Variants in GTF2H2 observed in about 807,000 individuals in gnomAD.
GTF2H2 encodes the protein general transcription factor IIH subunit 2.
A neutral mutation model predicts 16.5 loss-of-function variants in GTF2H2; 2 were observed. The ratio of observed to expected loss-of-function variants is 0.12; its 90% CI spans 0.05 to 0.38. GTF2H2 has a LOEUF of 0.38. Ranked by LOEUF, GTF2H2 falls within the 10% of genes least tolerant of loss-of-function variation. The probability of loss-of-function intolerance (pLI) is 0.99; values close to 1 mark genes in which losing one functional copy is unlikely to be tolerated. For synonymous variants in GTF2H2, 8 were observed against 44.1 expected (o/e 0.18, Z 3.24); for missense variants, 20 against 137.0 (o/e 0.15, Z 4.26).
rs1409455075 is a variant in GTF2H2 at position 71,052,120 on chromosome 5, A to G, written c.471-2962T>C. Among the ~76,000 whole-genome samples the G allele has an allele frequency of 2.8e-5, 4 of 142,516 alleles. 1 individual carries two copies. Among genetic ancestry groups the G allele is most frequent in the African/African-American group, 8.1e-5 (3 of 37,124 alleles). The allele number at this position is 142,516 out of a possible 152,430, so 93.5% of individuals were successfully genotyped here. A position where few individuals can be genotyped will look rare whatever the true frequency, so the allele number is the denominator to read the frequency against. ...CAATTATTTTAGCTAGATCTTCTGG[A>G]TAACTTGCTGCAGCTTCTACATCAG... On this transcript the variant is annotated intron_variant, in intron 8 of 15. Transcript: ENST00000274400.
chr5:71,060,879 C>T (rs1401449435), exon 5 of GTF2H2: 1 of 5,198 alleles, frequency 1.9e-4, no homozygotes, highest in Non-Finnish European at 3.3e-4. Context: ...GGCTTTAAAT[C>T]TTGGTCTTCC....
chr5:71,045,999 A>G (rs894485641), intron 11 of GTF2H2, among the ~76,000 whole-genome samples: 1 of 145,192 alleles, frequency 6.9e-6, no homozygotes, highest in Non-Finnish European at 1.5e-5. Context: ...AACTGAAGAT[A>G]TCATAGTACA....
Position 71,052,095 on chromosome 5 carries a change from C to T in GTF2H2, c.471-2937G>A, listed in dbSNP as rs1394349676. 4.2e-5 allele frequency among the ~76,000 whole-genome samples: 6 copies of T among 141,890 alleles called. 1 individual carries two copies. Among genetic ancestry groups the T allele is most frequent in the African/African-American group, 1.6e-4 (6 of 36,966 alleles). 93.1% of individuals were successfully genotyped at this position (141,890 alleles called of 152,430 possible). ...TGATATTTAGTGTAGTCACCTTCAT[C>T]AATTATTTTAGCTAGATCTTCTGGA... On this transcript the variant is annotated intron_variant, in intron 8 of 15. Coordinates refer to ENST00000274400, the Ensembl canonical transcript of GTF2H2.
intron 8 of GTF2H2, among the ~76,000 whole-genome samples, chr5:71,051,112 G>T (rs1028592762): frequency 3.5e-5 from 5 of 142,260 alleles, no homozygotes; most frequent in African/African-American, 1.1e-4. Flanking sequence ...CTCCCAATGT[G>T]CTGGGATTAC....
At chr5:71,061,165 AT>A (rs1753582170) in intron 4 of GTF2H2, 106 bp downstream of exon 4, 1 of 226,390 alleles carries the variant, frequency 4.4e-6, no homozygotes, top group East Asian at 7.3e-5. Flanking sequence ...TTTTTAACAT[AT>A]TCTTTTAAAA....
intron 7 of GTF2H2, chr5:71,058,103 G>A (rs1328512083): frequency 1.4e-5 from 2 of 139,646 alleles, no homozygotes; most frequent in Non-Finnish European, 3.1e-5. Context: ...CCAGCTACTC[G>A]GGAGGGGGAG....
At position 71,044,097 on chromosome 5, in the gene GTF2H2, T is replaced by C. The variant is rs1259878267; in HGVS notation, c.821+1347A>G. 2.9e-5 allele frequency among the ~76,000 whole-genome samples: 4 copies of C among 138,948 alleles called. No individual in the cohort carries two copies. The South Asian group carries it at 6.8e-4, about 23-fold the overall frequency. The allele number at this position is 138,948 out of a possible 152,430, so 91.2% of individuals were successfully genotyped here. ...CTAGATTTTTCTTTTCTTTTCTTTTTGCCTCTGGTTCCAGTTCTTGTGATA... is the reference window on the plus strand; with the variant it reads ...CTAGATTTTTCTTTTCTTTTCTTTTCGCCTCTGGTTCCAGTTCTTGTGATA... On this transcript the variant is annotated intron_variant, in intron 12 of 15. Coordinates refer to ENST00000274400, the Ensembl canonical transcript of GTF2H2.
chr5:71,045,459 GGTTT>G lies in GTF2H2; in HGVS notation c.802_805del (p.Lys268ProfsTer18), dbSNP rs1439331865. The G allele has an allele frequency of 4.7e-4, 376 of 807,850 alleles. No individual in the cohort carries two copies. The highest frequency in any genetic ancestry group is 6.9e-4 in the Non-Finnish European group (337 of 486,134). The allele number at this position is 807,850 out of a possible 1,614,324, so 50.0% of individuals were successfully genotyped here. On this transcript the variant is annotated frameshift_variant, in exon 12 of 16. Transcript: ENST00000274400. LOFTEE classifies it high-confidence loss of function. ...CTTTACTTACGCCATGCTGAAAGAG[GGTTT>G]TGCATCCTGGTCAGATAAAGAAGCA...
At chr5:71,053,309 G>T (rs1354017136) in intron 8 of GTF2H2, among the ~76,000 whole-genome samples, 1 of 142,050 alleles carries the variant, frequency 7.0e-6, no homozygotes, top group Non-Finnish European at 1.5e-5. Context: ...CTTAGGAGAT[G>T]GGGGGGCCGA....
intron 11 of GTF2H2, among the ~76,000 whole-genome samples, chr5:71,047,018 CA>C (rs1287426757): frequency 1.4e-5 from 1 of 71,606 alleles, no homozygotes; most frequent in Non-Finnish European, 2.9e-5. Context: ...CTCCTTTGAG[CA>C]ATTTGGTGTA....
intron 7 of GTF2H2, chr5:71,058,578 A>G (rs1249430194): frequency 7.6e-6 from 1 of 131,394 alleles, no homozygotes; most frequent in Non-Finnish European, 1.6e-5. Context: ...AGCCAGACAA[A>G]GCCAGGACCC....
At chr5:71,039,630 TCTC>T (rs1311053228) in intron 14 of GTF2H2, among the ~76,000 whole-genome samples, 4 of 148,284 alleles carry the variant, frequency 2.7e-5, no homozygotes, top group East Asian at 1.9e-4. Context: ...TTATCTTTAC[TCTC>T]CTATTTGAAC....
rs1344897057 is a variant in GTF2H2 at position 71,054,847 on chromosome 5, A to G, written c.470+505T>C. 2.2e-5 allele frequency among the ~76,000 whole-genome samples: 3 copies of G among 136,568 alleles called. No individual in the cohort carries two copies. In the East Asian group the frequency reaches 6.0e-4, roughly 27 times the overall value. The allele number at this position is 136,568 out of a possible 152,430, so 89.6% of individuals were successfully genotyped here. On this transcript the variant is annotated intron_variant, in intron 8 of 15. Coordinates refer to ENST00000274400, the Ensembl canonical transcript of GTF2H2. ...ATATGTATAATAAATTATATATATA[A>G]TATGTATATAAAGCTTATATATATA...
chr5:71,061,749 CTTCT>C lies in GTF2H2; in HGVS notation c.69_72del (p.Glu24MetfsTer10), dbSNP rs1242120976. The C allele has an allele frequency of 2.0e-5, 1 of 49,798 alleles. No individual in the cohort carries two copies. Among genetic ancestry groups the C allele is most frequent in the Admixed American group, 3.2e-4 (1 of 3,166 alleles). The allele number at this position is 49,798 out of a possible 1,614,324, so 3.1% of individuals were successfully genotyped here. On this transcript the variant is annotated frameshift_variant, in exon 3 of 16. Coordinates refer to ENST00000274400, the Ensembl canonical transcript of GTF2H2. LOFTEE classifies it high-confidence loss of function. ...GTAGCTTTAAGTGATCCAGATTCATCTTCTTTAAGAATCTCCCTATAAGTCATAA... is the reference window on the plus strand; with the variant it reads ...GTAGCTTTAAGTGATCCAGATTCATCTTAAGAATCTCCCTATAAGTCATAA...
chr5:71,044,061 C>T lies in GTF2H2; in HGVS notation c.821+1383G>A, dbSNP rs1402733988. Among the ~76,000 whole-genome samples, 19 of 137,720 alleles carry T rather than the reference C, an allele frequency of 1.4e-4. 3 individuals are homozygous for T. Among genetic ancestry groups the T allele is most frequent in the Non-Finnish European group, 2.3e-4 (15 of 64,670 alleles). 90.3% of individuals were successfully genotyped at this position (137,720 alleles called of 152,430 possible). ...TAAACTTTGGTAGGCTGGTCTAGAA[C>T]AGCTGTTAGTCTAGATTTTTCTTTT... On this transcript the variant is annotated intron_variant, in intron 12 of 15. Coordinates refer to ENST00000274400, the Ensembl canonical transcript of GTF2H2.
intron 8 of GTF2H2, among the ~76,000 whole-genome samples, chr5:71,053,329 G>A (rs1752917489): frequency 7.0e-6 from 1 of 142,470 alleles, no homozygotes; most frequent in Non-Finnish European, 1.5e-5. Flanking sequence ...AACAGAGGGA[G>A]AGAGACTGGA....
intron 8 of GTF2H2, among the ~76,000 whole-genome samples, chr5:71,053,046 G>T (rs1752890801): frequency 9.3e-6 from 1 of 107,194 alleles, no homozygotes; most frequent in African/African-American, 3.8e-5. Context: ...TGCAGTTACA[G>T]GTAAGAGCCA....
chr5:71,061,392 C>T (rs1753620968), intron 3 of GTF2H2, 84 bp from the exon 4 acceptor site: 3 of 1,169,934 alleles, frequency 2.6e-6, no homozygotes, highest in Admixed American at 4.9e-5. Context: ...AATTGACCTC[C>T]TTTGTTTTTC....
intron 7 of GTF2H2, among the ~76,000 whole-genome samples, chr5:71,057,668 C>T (rs1392704341): frequency 8.3e-5 from 6 of 71,908 alleles, no homozygotes; most frequent in Non-Finnish European, 1.7e-4. Flanking sequence ...AAGACATATG[C>T]CTGCTTAACT....
Sources: allele counts gnomAD v4.1 joint callset (sites outside exome capture counted in the v4.1 genomes callset), GRCh38; gene constraint gnomAD v4.1.1; transcripts MANE v1.5; gene names NCBI Gene and HGNC (gene_info 2026-07-23, HGNC 2026-07-21).